The following ZNF618 variants were observed in gnomAD, a reference collection of about 807,000 sequenced individuals.
ZNF618 encodes the protein neural precursor cell expressed, developmentally down-regulated 10.
Under a neutral mutation model 103.0 loss-of-function variants are expected in ZNF618, and 34 were observed. That is an observed-to-expected ratio of 0.33 (90% CI 0.25 to 0.44). ZNF618 has a LOEUF of 0.44. Ranked by LOEUF, ZNF618 falls within the 20% of genes least tolerant of loss-of-function variation. ZNF618 has a pLI of 1.00. For synonymous variants in ZNF618, 551 were observed against 542.2 expected, an observed-to-expected ratio of 1.02 and a Z score of -0.23; for missense variants, 1,059 against 1,295.4, an observed-to-expected ratio of 0.82 and a Z score of 2.80.
At chr9:113,926,193 A>G (rs184808848) in intron 1 of ZNF618, among the ~76,000 whole-genome samples, 1 of 136,036 alleles carries the variant, frequency 7.4e-6, no homozygotes, top group East Asian at 2.1e-4. Context: ...TATTTCACCT[A>G]TCTTCTTGCT....
At chr9:113,924,970 G>A (rs1290571702) in intron 1 of ZNF618, among the ~76,000 whole-genome samples, 1 of 151,856 alleles carries the variant, frequency 6.6e-6, no homozygotes, top group Non-Finnish European at 1.5e-5. Flanking sequence ...AATGTTCTGT[G>A]TGTCCTTGAG....
intron 1 of ZNF618, among the ~76,000 whole-genome samples, chr9:113,932,503 T>C (rs1003888397): frequency 1.4e-4 from 22 of 152,116 alleles, no homozygotes; most frequent in African/African-American, 5.3e-4. Context: ...ATTAGAAGAC[T>C]GGTTGGGAAA....
At chr9:113,922,049 ATACTTTGATGTATG>A (rs550242601) in intron 1 of ZNF618, among the ~76,000 whole-genome samples, 24 of 152,324 alleles carry the variant, frequency 1.6e-4, no homozygotes, top group African/African-American at 5.5e-4. Context: ...TGATGTATCG[ATACTTTGATGTATG>A]TACTGAAAAC....
At chr9:113,987,858 A>G (rs2026141) in intron 2 of ZNF618, among the ~76,000 whole-genome samples, 139,971 of 152,190 alleles carry the variant, frequency 0.92, 64,483 homozygotes, top group East Asian at 1. Flanking sequence ...GCAGAATCTC[A>G]GGCCCTACCC....
intron 1 of ZNF618, among the ~76,000 whole-genome samples, chr9:113,930,165 A>G (rs1175454469): frequency 6.6e-6 from 1 of 152,156 alleles, no homozygotes; most frequent in Non-Finnish European, 1.5e-5. Flanking sequence ...AACATGGGGA[A>G]ATTGCCTCGC....
chr9:113,955,355 T>C (rs1836180497), intron 1 of ZNF618, among the ~76,000 whole-genome samples: 1 of 148,650 alleles, frequency 6.7e-6, no homozygotes, highest in Admixed American at 6.8e-5. Flanking sequence ...TTCAAAATAG[T>C]CTGGTTGTCT....
intron 1 of ZNF618, among the ~76,000 whole-genome samples, chr9:113,928,302 C>T (rs1456761595): frequency 6.6e-6 from 1 of 152,176 alleles, no homozygotes; most frequent in African/African-American, 2.4e-5. Flanking sequence ...CTTATGTTAA[C>T]CATCTGTTTT....
chr9:113,968,034 G>A (rs1200240590), intron 1 of ZNF618, among the ~76,000 whole-genome samples: 2 of 152,150 alleles, frequency 1.3e-5, no homozygotes, highest in African/African-American at 4.8e-5. Flanking sequence ...ATCAAAAGGT[G>A]TTTTATTTCA....
chr9:113,919,689 G>A (rs1022807192), intron 1 of ZNF618, among the ~76,000 whole-genome samples: 5 of 152,210 alleles, frequency 3.3e-5, no homozygotes, highest in African/African-American at 4.8e-5. Context: ...TTGATTCCAC[G>A]GTTTGGATTT....
chr9:114,044,251 T>G (rs1845465184), intron 13 of ZNF618, among the ~76,000 whole-genome samples: 1 of 152,190 alleles, frequency 6.6e-6, no homozygotes, highest in South Asian at 2.1e-4. Flanking sequence ...TCCAGTTTTA[T>G]TCTTCCACAT....
chr9:113,934,218 T>C (rs950400046), intron 1 of ZNF618, among the ~76,000 whole-genome samples: 9 of 152,146 alleles, frequency 5.9e-5, no homozygotes, highest in African/African-American at 2.2e-4. Flanking sequence ...GGAGGGGTTG[T>C]CTGGTGGAGG....
intron 1 of ZNF618, among the ~76,000 whole-genome samples, chr9:113,881,708 C>T (rs1828544244): frequency 6.6e-6 from 1 of 152,202 alleles, no homozygotes; most frequent in African/African-American, 2.4e-5. Flanking sequence ...GGTAGCAACA[C>T]CTTTCAGACC....
intron 1 of ZNF618, among the ~76,000 whole-genome samples, chr9:113,936,276 A>G (rs977331041): frequency 1.3e-5 from 2 of 152,210 alleles, no homozygotes; most frequent in African/African-American, 4.8e-5. Flanking sequence ...CCAGAATCTG[A>G]GCCTGTTACC....
In ZNF618 at chr9:113,947,221, C is replaced by T. The variant is rs1383267620; in HGVS notation, c.34-21896C>T. Among the ~76,000 whole-genome samples the T allele has an allele frequency of 2.6e-5, 4 of 152,250 alleles. No homozygotes were observed. The South Asian group carries it at 6.2e-4, about 24-fold the overall frequency. On this transcript the variant is annotated intron_variant, in intron 1 of 14. Transcript: ENST00000374126. ...CCTTTCTACACTGGTTGGCTGGGAT[C>T]GTCCAGGGGATTTTGGAATCAGAGC...
chr9:114,014,546 A>C (rs1342345131), intron 9 of ZNF618, among the ~76,000 whole-genome samples: 1 of 152,254 alleles, frequency 6.6e-6, no homozygotes. Flanking sequence ...TTGTGCCAGC[A>C]CTTAGCACAG....
intron 1 of ZNF618, among the ~76,000 whole-genome samples, chr9:113,939,773 TTTCCCTCC>T (rs1834385270): frequency 6.6e-6 from 1 of 152,108 alleles, no homozygotes; most frequent in Admixed American, 6.5e-5. Context: ...TTCTTCCCTC[TTTCCCTCC>T]TTCCCTCCCT....
At chr9:114,006,392 T>C (rs1005871471) in intron 6 of ZNF618, among the ~76,000 whole-genome samples, 4 of 152,186 alleles carry the variant, frequency 2.6e-5, no homozygotes, top group Non-Finnish European at 4.4e-5. Flanking sequence ...AGCCTCCCTG[T>C]GCCTGGGGTG....
chr9:113,939,041 T>G (rs987221605), intron 1 of ZNF618, among the ~76,000 whole-genome samples: 3 of 151,964 alleles, frequency 2.0e-5, no homozygotes, highest in East Asian at 1.9e-4. Context: ...ATTAATGGCA[T>G]GTTGGTTTGT....
rs138976730 is a variant in ZNF618, at chr9:114,054,575, C to A, written c.*4408C>A. 837 of 152,936 alleles carry A rather than the reference C, an allele frequency of 5.5e-3. 6 individuals are homozygous for A. The highest frequency in any genetic ancestry group is 9.3e-3 in the Non-Finnish European group (637 of 68,180). The allele number at this position is 152,936 out of a possible 1,614,324, so 9.5% of individuals were successfully genotyped here. On this transcript the variant is annotated 3_prime_UTR_variant, in exon 15 of 15. Transcript: ENST00000374126. ...GCCAGTAGTAGGTGGGAGCTCCTGT[C>A]CCCGCCAGCCCTGCTCCAGCCCCCG...
Sources: allele counts gnomAD v4.1 joint callset (sites outside exome capture counted in the v4.1 genomes callset), GRCh38; gene constraint gnomAD v4.1.1; transcripts MANE v1.5; gene names NCBI Gene and HGNC (gene_info 2026-07-23, HGNC 2026-07-21).